ASAP1: variants seen among roughly 807,000 people sequenced by gnomAD.
The protein encoded by ASAP1 is ArfGAP with SH3 domain, ankyrin repeat and PH domain 1, also known as arf-GAP with SH3 domain, ANK repeat and PH domain-containing protein 1.
Under a neutral mutation model 145.2 loss-of-function variants are expected in ASAP1, and 43 were observed. That is an observed-to-expected ratio of 0.30 (90% CI 0.23 to 0.38). The LOEUF (loss-of-function observed/expected upper bound fraction) is 0.38. Among genes scored for constraint, ASAP1 ranks in the 10% least tolerant of loss-of-function variants. The probability of loss-of-function intolerance (pLI) is 1.00; values close to 1 mark genes in which losing one functional copy is unlikely to be tolerated. For missense variants in ASAP1, 1,018 were observed against 1,355.3 expected, an observed-to-expected ratio of 0.75 and a Z score of 3.91; for synonymous variants, 546 against 515.5, an observed-to-expected ratio of 1.06 and a Z score of -0.80.
chr8:130,408,682 T>C (rs1232453529), intron 1 of ASAP1, among the ~76,000 whole-genome samples: 1 of 152,202 alleles, frequency 6.6e-6, no homozygotes, highest in Non-Finnish European at 1.5e-5. Context: ...AGAACCCTTT[T>C]ACATATCAGA....
chr8:130,143,522 A>C (rs2097618290), intron 13 of ASAP1, among the ~76,000 whole-genome samples: 1 of 151,868 alleles, frequency 6.6e-6, no homozygotes, highest in African/African-American at 2.4e-5. Context: ...CCCCTCTCCT[A>C]CACACCCTCA....
At chr8:130,362,671 G>A (rs762851165) in intron 2 of ASAP1, among the ~76,000 whole-genome samples, 3 of 152,196 alleles carry the variant, frequency 2.0e-5, no homozygotes, top group East Asian at 1.9e-4. Context: ...AGTAATTCCC[G>A]AAGTCTGGGA....
At chr8:130,138,398 T>C (rs1031019718) in intron 13 of ASAP1, among the ~76,000 whole-genome samples, 40 of 152,260 alleles carry the variant, frequency 2.6e-4, no homozygotes, top group African/African-American at 9.4e-4. Context: ...CATGTACCTT[T>C]GATTTAGGAA....
chr8:130,308,028 A>G (rs1823101487), intron 3 of ASAP1, among the ~76,000 whole-genome samples: 1 of 152,254 alleles, frequency 6.6e-6, no homozygotes, highest in Admixed American at 6.5e-5. Context: ...TTACATTTTA[A>G]AACCCATAGT....
chr8:130,178,778 A>G (rs1017979224), intron 9 of ASAP1, among the ~76,000 whole-genome samples: 2 of 152,130 alleles, frequency 1.3e-5, no homozygotes, highest in East Asian at 3.9e-4. Context: ...CATCCCAACT[A>G]CTGGGGAGGC....
chr8:130,126,214 G>A (rs1368145367), intron 16 of ASAP1, 125 bp from the exon 17 acceptor site: 1 of 916,500 alleles, frequency 1.1e-6, no homozygotes, highest in African/African-American at 1.7e-5. Flanking sequence ...TTAAATGGAA[G>A]AAATGGACTC....
intron 4 of ASAP1, among the ~76,000 whole-genome samples, chr8:130,218,902 T>C (rs540618664): frequency 6.6e-6 from 1 of 152,242 alleles, no homozygotes; most frequent in East Asian, 1.9e-4. Context: ...TACTGGCATA[T>C]ATGTCTCACA....
chr8:130,241,506 T>C (rs190635247), intron 3 of ASAP1, among the ~76,000 whole-genome samples: 6 of 152,212 alleles, frequency 3.9e-5, no homozygotes, highest in African/African-American at 1.2e-4. Flanking sequence ...AAGCGACAAA[T>C]GACTGAATAC....
At chr8:130,064,754 C>T (rs1252688522) in intron 27 of ASAP1, among the ~76,000 whole-genome samples, 1 of 152,184 alleles carries the variant, frequency 6.6e-6, no homozygotes, top group African/African-American at 2.4e-5. Context: ...CCTGTCCAGT[C>T]GCAAGCCCAG....
At chr8:130,188,769 A>G (rs186642270) in intron 5 of ASAP1, among the ~76,000 whole-genome samples, 53 of 149,452 alleles carry the variant, frequency 3.5e-4, no homozygotes, top group African/African-American at 1.3e-3. Flanking sequence ...AATTGAATTT[A>G]GGTGGTGTAG....
chr8:130,234,356 C>CT (rs1191532484), intron 4 of ASAP1, among the ~76,000 whole-genome samples: 2 of 152,014 alleles, frequency 1.3e-5, no homozygotes, highest in African/African-American at 4.8e-5. Flanking sequence ...ATAGTACAAA[C>CT]CTAGGAGGAG....
At chr8:130,086,063 C>T (rs2135378852) in intron 25 of ASAP1, among the ~76,000 whole-genome samples, 1 of 152,374 alleles carries the variant, frequency 6.6e-6, no homozygotes, top group East Asian at 1.9e-4. Context: ...AGAGCTTGTG[C>T]TGCTTGCCAG....
At chr8:130,147,172 C>T (rs2097633241) in intron 13 of ASAP1, among the ~76,000 whole-genome samples, 1 of 126,510 alleles carries the variant, frequency 7.9e-6, no homozygotes, top group South Asian at 2.4e-4. Context: ...GATGGTGCCA[C>T]TGCACTCCAA....
chr8:130,330,948 G>A (rs1300063020), intron 3 of ASAP1, among the ~76,000 whole-genome samples: 1 of 152,074 alleles, frequency 6.6e-6, no homozygotes, highest in Non-Finnish European at 1.5e-5. Flanking sequence ...TTTTTTCTCA[G>A]TAGCAGATGA....
chr8:130,178,219 G>A (rs956107771), intron 9 of ASAP1, among the ~76,000 whole-genome samples: 2 of 152,156 alleles, frequency 1.3e-5, no homozygotes, highest in Non-Finnish European at 2.9e-5. Context: ...TTTTGCTTAT[G>A]AGAGCTGTCC....
chr8:130,335,053 T>G (rs1824946958), intron 3 of ASAP1, among the ~76,000 whole-genome samples: 1 of 152,278 alleles, frequency 6.6e-6, no homozygotes, highest in African/African-American at 2.4e-5. Context: ...TGAGACGGAT[T>G]AACGATCACT....
chr8:130,184,287 G>A (rs1472775349), intron 7 of ASAP1, among the ~76,000 whole-genome samples: 1 of 152,172 alleles, frequency 6.6e-6, no homozygotes, highest in African/African-American at 2.4e-5. Flanking sequence ...GTCTATGCAA[G>A]GGAATGTAAT....
chr8:130,183,572 C>T (rs187655029), intron 7 of ASAP1, among the ~76,000 whole-genome samples: 136 of 152,208 alleles, frequency 8.9e-4, no homozygotes, highest in African/African-American at 3.2e-3. Flanking sequence ...AAACTTTCGA[C>T]CTCAAGCGAT....
At chr8:130,213,633 T>A (rs370673744) in intron 5 of ASAP1, among the ~76,000 whole-genome samples, 1 of 152,184 alleles carries the variant, frequency 6.6e-6, no homozygotes, top group East Asian at 1.9e-4. Flanking sequence ...GCTCCTCTTC[T>A]CCAGGGCAGG....
Sources: gnomAD v4.1 joint callset for allele counts (sites outside exome capture counted in the v4.1 genomes callset) on GRCh38, gnomAD v4.1.1 for gene constraint, MANE v1.5 for transcripts, NCBI Gene and HGNC (gene_info 2026-07-23, HGNC 2026-07-21) for gene names.